The following NECTIN3 variants were observed in gnomAD, a reference collection of about 807,000 sequenced individuals.
NECTIN3 encodes nectin-3.
NECTIN3 carries 8 observed loss-of-function variants against 49.4 expected under a neutral mutation model. That is an observed-to-expected ratio of 0.16 (90% CI 0.10 to 0.29). NECTIN3 has a LOEUF of 0.29. Among genes scored for constraint, NECTIN3 ranks in the 10% least tolerant of loss-of-function variants. The pLI, the probability that NECTIN3 is intolerant of heterozygous loss-of-function variation, is 1.00. For synonymous variants in NECTIN3, 277 were observed against 241.1 expected (o/e 1.15, Z -1.38); for missense variants, 581 against 654.6 (o/e 0.89, Z 1.23).
At chr3:111,170,305 G>C (rs2035411319) in intron 7 of NECTIN3, among the ~76,000 whole-genome samples, 2 of 152,104 alleles carry the variant, frequency 1.3e-5, no homozygotes, top group South Asian at 4.2e-4. Context: ...ATTATTTATT[G>C]AGTGCTACTT....
At chr3:111,103,927 A>G (rs1287205471) in intron 1 of NECTIN3, among the ~76,000 whole-genome samples, 1 of 152,032 alleles carries the variant, frequency 6.6e-6, no homozygotes, top group Non-Finnish European at 1.5e-5. Context: ...GGACATTTGG[A>G]TTGTTTCTAC....
At position 111,072,152 on chromosome 3, in the gene NECTIN3, G is replaced by T; in HGVS notation, c.135G>T (p.Pro45=). The part of the protein sequence containing the change: ...TPPPLLLLLF[P]LLLFSRLCGA... ...CTCCGCTGCTGCTGCTGCTCTTCCC[G>T]CTGCTGCTCTTCTCCAGGCTCTGTG... Residue 45 remains proline, a synonymous_variant, in exon 1 of 6, where the codon CCG becomes CCT. Transcript: ENST00000485303. The T allele has an allele frequency of 6.4e-7, 1 of 1,552,434 alleles. No individual in the cohort carries two copies.
rs191607987 is a variant in NECTIN3 at position 111,129,850 on chromosome 3, G to A, written c.1069+3515G>A. Among the ~76,000 whole-genome samples, 30 of 151,706 alleles carry A rather than the reference G, an allele frequency of 2.0e-4. No homozygotes were observed. The East Asian group carries it at 5.1e-3, about 26-fold the overall frequency. On this transcript the variant is annotated intron_variant, in intron 5 of 5. Coordinates refer to ENST00000485303, the MANE Select transcript of NECTIN3 (RefSeq NM_015480.3). ...ATTTTAGAAGAGACAGGGTTTCACC[G>A]TGTTGCCCAGGCTGGTCTTGAACTC... is the stretch of plus-strand genomic sequence containing the variant.
chr3:111,077,344 TAAAA>T (rs10667346), intron 1 of NECTIN3: 145 of 80,228 alleles, frequency 1.8e-3, no homozygotes, highest in East Asian at 5.3e-3. Context: ...ACTTTAATGG[TAAAA>T]AAAAAAAAAA....
At chr3:111,174,972 G>T (rs2035500729) in intron 7 of NECTIN3, among the ~76,000 whole-genome samples, 1 of 152,088 alleles carries the variant, frequency 6.6e-6, no homozygotes, top group Non-Finnish European at 1.5e-5. Flanking sequence ...GGACTTGAAG[G>T]ATGAATGCAG....
chr3:111,129,651 T>C (rs917555245), intron 5 of NECTIN3, among the ~76,000 whole-genome samples: 1 of 150,558 alleles, frequency 6.6e-6, no homozygotes, highest in Non-Finnish European at 1.5e-5. Context: ...TTATATGAGA[T>C]AATTTTTTTT....
chr3:111,089,822 T>C (rs1170817483), intron 1 of NECTIN3, among the ~76,000 whole-genome samples: 1 of 152,136 alleles, frequency 6.6e-6, no homozygotes, highest in African/African-American at 2.4e-5. Context: ...TTCTGATTTT[T>C]TTTTGCTTCT....
chr3:111,116,749 T>C (rs537580503), intron 2 of NECTIN3, among the ~76,000 whole-genome samples: 1 of 152,186 alleles, frequency 6.6e-6, no homozygotes, highest in East Asian at 1.9e-4. Context: ...GAAAAGATCT[T>C]CAACCTTATT....
chr3:111,132,347 C>T (rs1411691859), intron 5 of NECTIN3, among the ~76,000 whole-genome samples: 5 of 151,666 alleles, frequency 3.3e-5, no homozygotes, highest in African/African-American at 4.8e-5. Flanking sequence ...TATGGCATTC[C>T]GTGATGAAAC....
At chr3:111,082,863 G>T (rs1261150939) in intron 1 of NECTIN3, among the ~76,000 whole-genome samples, 1 of 152,220 alleles carries the variant, frequency 6.6e-6, no homozygotes, top group East Asian at 1.9e-4. Context: ...CCGTCTGGGG[G>T]TGATGGGAGA....
intron 1 of NECTIN3, among the ~76,000 whole-genome samples, chr3:111,105,428 C>CA (rs1438827481): frequency 6.6e-6 from 1 of 152,140 alleles, no homozygotes; most frequent in African/African-American, 2.4e-5. Context: ...CCACTGCACC[C>CA]AGCCCTTATT....
intron 1 of NECTIN3, among the ~76,000 whole-genome samples, chr3:111,100,938 G>T (rs1278141745): frequency 2.0e-5 from 3 of 151,956 alleles, no homozygotes; most frequent in African/African-American, 7.2e-5. Flanking sequence ...CTGACTAGTA[G>T]CTCTTATAGA....
At chr3:111,172,231 C>T (rs907786811) in intron 7 of NECTIN3, among the ~76,000 whole-genome samples, 29 of 152,118 alleles carry the variant, frequency 1.9e-4, no homozygotes, top group African/African-American at 6.5e-4. Context: ...ACCATCACTC[C>T]CCTACTTCCA....
At chr3:111,169,375 C>CT (rs59239398) in intron 7 of NECTIN3, among the ~76,000 whole-genome samples, 5,304 of 114,508 alleles carry the variant, frequency 0.046, 184 homozygotes, top group East Asian at 0.2. Flanking sequence ...CAAACGCAAA[C>CT]TTTTTTTTTT....
In NECTIN3 at chr3:111,161,713, A is replaced by G. The variant is rs80072661; in HGVS notation, c.1221+14229A>G. On this transcript the variant is annotated intron_variant, in intron 7 of 8. Transcript: ENST00000493615. The stretch of plus-strand genomic sequence containing the variant: ...ATCCCCTGTACCCTGCTCCATGGAA[A>G]AAATCGTCTTCCATGAAAGCCATCC... Among the ~76,000 whole-genome samples the G allele has an allele frequency of 4.0e-3, 606 of 152,330 alleles. 11 individuals are homozygous for G. The highest frequency in any genetic ancestry group is 0.027 in the Admixed American group (413 of 15,298).
At chr3:111,090,081 G>A (rs1043103851) in intron 1 of NECTIN3, among the ~76,000 whole-genome samples, 1 of 151,896 alleles carries the variant, frequency 6.6e-6, no homozygotes, top group Admixed American at 6.6e-5. Flanking sequence ...TTCAATTAGC[G>A]TTTGCATTTT....
rs1420315634 is a variant in NECTIN3, at chr3:111,122,471, GGT to G, written c.917+234_917+235del. ...TTTCTTACGGTTAGTTACAGTCAGA[GGT>G]CTTAAGCTGCTACTACTTAATAGTT... On this transcript the variant is annotated intron_variant, in intron 4 of 5. Transcript: ENST00000485303. Among the ~76,000 whole-genome samples the G allele has an allele frequency of 3.9e-5, 6 of 152,048 alleles. No homozygotes were observed. The East Asian group carries it at 1.2e-3, about 29-fold the overall frequency.
chr3:111,093,281 G>C (rs2032381011), intron 1 of NECTIN3, among the ~76,000 whole-genome samples: 1 of 152,066 alleles, frequency 6.6e-6, no homozygotes, highest in African/African-American at 2.4e-5. Context: ...TTTTATCACA[G>C]AGCATATATA....
At chr3:111,121,061 G>A (rs565321946) in intron 3 of NECTIN3, among the ~76,000 whole-genome samples, 3 of 143,140 alleles carry the variant, frequency 2.1e-5, no homozygotes, top group African/African-American at 7.8e-5. Flanking sequence ...GGAGTGCAGT[G>A]GCGCGAACTA....
Sources: allele counts gnomAD v4.1 joint callset (sites outside exome capture counted in the v4.1 genomes callset), GRCh38; gene constraint gnomAD v4.1.1; transcripts MANE v1.5; gene names NCBI Gene and HGNC (gene_info 2026-07-23, HGNC 2026-07-21).